Variants in KLHDC10 observed in about 807,000 individuals in gnomAD.
KLHDC10 encodes kelch domain-containing protein 10.
In KLHDC10, 24 loss-of-function variants were observed where a neutral mutation model predicts 56.1. That is an observed-to-expected ratio of 0.43 (90% CI 0.31 to 0.60). The LOEUF is 0.60. KLHDC10 is among the 20% of genes least tolerant of loss of function. The probability of loss-of-function intolerance (pLI) is 0.11; values close to 1 mark genes in which losing one functional copy is unlikely to be tolerated. For missense variants in KLHDC10, 349 were observed against 567.0 expected, an observed-to-expected ratio of 0.62 and a Z score of 3.91; for synonymous variants, 188 against 207.1, an observed-to-expected ratio of 0.91 and a Z score of 0.79.
chr7:130,128,889 A>AAAAAAATATATATATATATATAT, intron 8 of KLHDC10, among the ~76,000 whole-genome samples: 27 of 66,934 alleles, frequency 4.0e-4, no homozygotes, highest in Non-Finnish European at 5.3e-4. Flanking sequence ...AAAAAAAAAA[A>AAAAAAATATATATATATATATAT]ATATATATAT....
chr7:130,135,108 A>C lies in KLHDC10; in HGVS notation c.*4362A>C, dbSNP rs914913248. 2.0e-4 allele frequency: 29 copies of C among 144,802 alleles called. No individual in the cohort carries two copies. Among genetic ancestry groups the C allele is most frequent in the South Asian group, 4.4e-4 (2 of 4,570 alleles). 9.0% of individuals were successfully genotyped at this position (144,802 alleles called of 1,614,324 possible). The stretch of plus-strand genomic sequence containing the variant: ...TTTAATTTGAAAAAAAAAAAAAAAA[A>C]AAAACAACTTTTTATAAGTTTTTTA... On this transcript the variant is annotated 3_prime_UTR_variant, in exon 10 of 10. Coordinates refer to ENST00000335420, the MANE Select transcript of KLHDC10 (RefSeq NM_014997.4).
At chr7:130,092,923 C>T (rs867366158) in intron 1 of KLHDC10, among the ~76,000 whole-genome samples, 2 of 151,598 alleles carry the variant, frequency 1.3e-5, no homozygotes, top group African/African-American at 4.9e-5. Flanking sequence ...TTCTTTAGTC[C>T]GATTCTATCT....
chr7:130,091,753 A>C (rs1332961383), intron 1 of KLHDC10, among the ~76,000 whole-genome samples: 1 of 152,092 alleles, frequency 6.6e-6, no homozygotes, highest in Non-Finnish European at 1.5e-5. Flanking sequence ...GTCAGTGCAT[A>C]TTTAGACTTA....
At chr7:130,082,747 C>T (rs1310094370) in intron 1 of KLHDC10, among the ~76,000 whole-genome samples, 9 of 152,190 alleles carry the variant, frequency 5.9e-5, no homozygotes, top group Non-Finnish European at 1.0e-4. Flanking sequence ...TCGTTCTACT[C>T]AAGTGCTCTT....
chr7:130,104,518 G>T (rs1455566838), intron 2 of KLHDC10, among the ~76,000 whole-genome samples: 1 of 152,152 alleles, frequency 6.6e-6, no homozygotes, highest in Non-Finnish European at 1.5e-5. Flanking sequence ...TTCAATGAGA[G>T]AATGTATGTA....
chr7:130,076,801 C>T (rs369170159), intron 1 of KLHDC10, among the ~76,000 whole-genome samples: 3 of 152,174 alleles, frequency 2.0e-5, no homozygotes, highest in South Asian at 2.1e-4. Flanking sequence ...TATTCTGTTT[C>T]ATTGATCAGA....
chr7:130,113,908 A>G (rs1423537799), intron 2 of KLHDC10, among the ~76,000 whole-genome samples: 1 of 152,220 alleles, frequency 6.6e-6, no homozygotes, highest in East Asian at 1.9e-4. Flanking sequence ...TGCTGAACAT[A>G]GCAACTCTGT....
Position 130,088,798 on chromosome 7 carries a change from A to G in KLHDC10, c.167-8123A>G, listed in dbSNP as rs539308040. On this transcript the variant is annotated intron_variant, in intron 1 of 9. Coordinates refer to ENST00000335420, the MANE Select transcript of KLHDC10 (RefSeq NM_014997.4). Reference sequence around the variant, plus strand: ...GCTGGGATTACAGGGACCCGCCACCACACCCAGCTATTTTAGTAAAGACAG... The same window carrying G: ...GCTGGGATTACAGGGACCCGCCACCGCACCCAGCTATTTTAGTAAAGACAG... 2.0e-5 allele frequency among the ~76,000 whole-genome samples: 3 copies of G among 150,238 alleles called. No homozygotes were observed. The Admixed American group carries it at 2.0e-4, about 10-fold the overall frequency.
rs953673505 is a variant in KLHDC10, at chr7:130,116,920, G to T, written c.475+254G>T. On this transcript the variant is annotated intron_variant, in intron 3 of 9. Transcript: ENST00000335420. This position sits in a 1 kb window ranked among gnomAD's most constrained non-coding sequence, Gnocchi z 4.8. ...AATGGGATTAATAATATCTTAGAGG[G>T]TTCAATATAAAGTATCACGCAGTAG... is the stretch of plus-strand genomic sequence containing the variant. 6.6e-6 allele frequency among the ~76,000 whole-genome samples: 1 copy of T among 152,080 alleles called. No individual in the cohort carries two copies. The highest frequency in any genetic ancestry group is 1.5e-5 in the Non-Finnish European group (1 of 68,018).
rs3800562 is a variant in KLHDC10, at chr7:130,132,948, A to G, written c.*2202A>G. Reference sequence around the variant, plus strand: ...CCTGCTACACCAGAGAGCTGAAGAGAGATGTGGTCTGGTTCCATCCATACT... The same window carrying G: ...CCTGCTACACCAGAGAGCTGAAGAGGGATGTGGTCTGGTTCCATCCATACT... On this transcript the variant is annotated 3_prime_UTR_variant, in exon 10 of 10. Transcript: ENST00000335420. 0.12 allele frequency: 18,902 copies of G among 152,140 alleles called. 1,330 individuals carry two copies. Among genetic ancestry groups the G allele is most frequent in the East Asian group, 0.29 (1,488 of 5,160 alleles). 9.4% of individuals were successfully genotyped at this position (152,140 alleles called of 1,614,324 possible).
At chr7:130,084,504 T>A (rs567152474) in intron 1 of KLHDC10, among the ~76,000 whole-genome samples, 1 of 152,158 alleles carries the variant, frequency 6.6e-6, no homozygotes, top group Non-Finnish European at 1.5e-5. Context: ...CTAGATGCGG[T>A]GGTTGACGCC....
intron 1 of KLHDC10, among the ~76,000 whole-genome samples, chr7:130,088,541 G>T (rs981826970): frequency 6.6e-6 from 1 of 151,828 alleles, no homozygotes; most frequent in Non-Finnish European, 1.5e-5. Flanking sequence ...TTCCCAAAGT[G>T]CTGGGATTAC....
chr7:130,126,479 G>A (rs1464350991), intron 7 of KLHDC10, among the ~76,000 whole-genome samples: 1 of 151,512 alleles, frequency 6.6e-6, no homozygotes, highest in Non-Finnish European at 1.5e-5. Context: ...AGTTCGAGAC[G>A]AGCCTGGCCA....
At chr7:130,128,829 CA>C (rs1796347488) in intron 8 of KLHDC10, among the ~76,000 whole-genome samples, 1 of 136,062 alleles carries the variant, frequency 7.3e-6, no homozygotes, top group South Asian at 2.3e-4. Context: ...CACTTGAGCC[CA>C]GGAGTTCAAG....
In KLHDC10 at chr7:130,116,313, A is replaced by G. The variant is rs1272929051; in HGVS notation, c.254-132A>G. ...AAGTATATCCATGTTATAAATCTAA[A>G]CAAATAAGAAGTATATCCATGTTAT... On this transcript the variant is annotated intron_variant, in intron 2 of 9. Transcript: ENST00000335420. This position sits in a 1 kb window ranked among gnomAD's most constrained non-coding sequence, Gnocchi z 4.8. 4.7e-6 allele frequency: 3 copies of G among 641,052 alleles called. No individual in the cohort carries two copies. The highest frequency in any genetic ancestry group is 8.2e-6 in the Non-Finnish European group (3 of 363,848). 39.7% of individuals were successfully genotyped at this position (641,052 alleles called of 1,614,324 possible). A position where few individuals can be genotyped will look rare whatever the true frequency, so the allele number is the denominator to read the frequency against.
chr7:130,073,952 T>C (rs945512834), intron 1 of KLHDC10, among the ~76,000 whole-genome samples: 2 of 152,198 alleles, frequency 1.3e-5, no homozygotes, highest in South Asian at 4.1e-4. Flanking sequence ...GTGCTTCTAC[T>C]CTTGCCCTTC....
At chr7:130,109,569 C>A (rs1796072200) in intron 2 of KLHDC10, among the ~76,000 whole-genome samples, 1 of 152,132 alleles carries the variant, frequency 6.6e-6, no homozygotes, top group Admixed American at 6.6e-5. Context: ...ACAATTAATA[C>A]TACTATATAA....
intron 2 of KLHDC10, among the ~76,000 whole-genome samples, chr7:130,101,841 G>T (rs1411822786): frequency 6.6e-6 from 1 of 151,874 alleles, no homozygotes; most frequent in Non-Finnish European, 1.5e-5. Flanking sequence ...GTGGTAGCAG[G>T]CGCTTGTAGT....
At chr7:130,101,313 A>G (rs1479816674) in intron 2 of KLHDC10, among the ~76,000 whole-genome samples, 3 of 152,342 alleles carry the variant, frequency 2.0e-5, no homozygotes, top group Middle Eastern at 3.4e-3. Context: ...ATTTTAGGGT[A>G]CCAGAAAACA....
Sources: gnomAD v4.1 joint callset for allele counts (sites outside exome capture counted in the v4.1 genomes callset) on GRCh38, gnomAD v4.1.1 for gene constraint, Gnocchi (gnomAD v3.1) non-coding constraint, MANE v1.5 for transcripts, NCBI Gene and HGNC (gene_info 2026-07-23, HGNC 2026-07-21) for gene names.